MACROD2: variants seen among roughly 807,000 people sequenced by gnomAD.
MACROD2 encodes ADP-ribose glycohydrolase MACROD2.
In MACROD2, 36 loss-of-function variants were observed where a neutral mutation model predicts 70.4. The observed-to-expected ratio is 0.51, with a 90% CI of 0.39 to 0.68. The LOEUF is 0.68. MACROD2 is among the 30% of genes least tolerant of loss of function. The pLI is 0.00. For synonymous variants in MACROD2, 172 were observed against 178.8 expected, an observed-to-expected ratio of 0.96 and a Z score of 0.30; for missense variants, 496 against 538.4, an observed-to-expected ratio of 0.92 and a Z score of 0.78.
chr20:14,251,968 T>TA (rs924968520), intron 3 of MACROD2, among the ~76,000 whole-genome samples: 8 of 152,130 alleles, frequency 5.3e-5, no homozygotes, highest in African/African-American at 1.7e-4. Context: ...GTACTCACTT[T>TA]AAAAAAATCC....
intron 6 of MACROD2, among the ~76,000 whole-genome samples, chr20:15,353,842 A>G (rs1323481679): frequency 3.2e-5 from 3 of 92,400 alleles, no homozygotes; most frequent in Admixed American, 1.2e-4. Flanking sequence ...TTAAAAAGTC[A>G]GGAAACAACA....
intron 7 of MACROD2, among the ~76,000 whole-genome samples, chr20:15,466,839 CTCTT>C (rs1456353457): frequency 6.6e-6 from 1 of 152,178 alleles, no homozygotes; most frequent in Non-Finnish European, 1.5e-5. Context: ...CTCCTAAAGA[CTCTT>C]TAAGGTTTCC....
chr20:15,437,787 T>C (rs1462946570), intron 7 of MACROD2, among the ~76,000 whole-genome samples: 1 of 152,176 alleles, frequency 6.6e-6, no homozygotes, highest in Non-Finnish European at 1.5e-5. Context: ...TTACTAAGGA[T>C]AATAGCTTCC....
chr20:14,947,618 T>C (rs970750824), intron 5 of MACROD2, among the ~76,000 whole-genome samples: 28 of 152,156 alleles, frequency 1.8e-4, no homozygotes, highest in Admixed American at 1.7e-3. Flanking sequence ...AGAGGGCTTA[T>C]TAAAACACAG....
intron 4 of MACROD2, chr20:14,547,443 G>A: frequency 4.7e-6 from 1 of 210,966 alleles, no homozygotes; most frequent in Non-Finnish European, 1.1e-5. Context: ...TATTCTTTGA[G>A]CTGTTGTATT....
intron 3 of MACROD2, among the ~76,000 whole-genome samples, chr20:14,173,448 C>T (rs567925216): frequency 6.6e-6 from 1 of 152,084 alleles, no homozygotes; most frequent in African/African-American, 2.4e-5. Context: ...TAAGTGTGTC[C>T]TTCATTTCGA....
At chr20:15,807,375 A>G (rs1253842363) in intron 8 of MACROD2, among the ~76,000 whole-genome samples, 1 of 152,214 alleles carries the variant, frequency 6.6e-6, no homozygotes, top group East Asian at 1.9e-4. Context: ...AGTTTCAAAG[A>G]AAGAACCATC....
chr20:14,444,457 T>G (rs921022360), intron 3 of MACROD2, among the ~76,000 whole-genome samples: 1 of 152,052 alleles, frequency 6.6e-6, no homozygotes, highest in Non-Finnish European at 1.5e-5. Flanking sequence ...TTATCAGTTT[T>G]TTTCTGATTC....
chr20:15,215,039 T>A (rs1352281905), intron 5 of MACROD2, among the ~76,000 whole-genome samples: 1 of 152,156 alleles, frequency 6.6e-6, no homozygotes, highest in Non-Finnish European at 1.5e-5. Context: ...TAATTAGGTA[T>A]CTAAAAACAA....
chr20:14,736,992 G>T (rs117255733), intron 5 of MACROD2, among the ~76,000 whole-genome samples: 1 of 151,808 alleles, frequency 6.6e-6, no homozygotes, highest in Non-Finnish European at 1.5e-5. Context: ...TCTGGGACAC[G>T]TGTGCAGAAT....
rs560947339 is a variant in MACROD2 at position 15,965,348 on chromosome 20, G to T, written c.908-2205G>T. Among the ~76,000 whole-genome samples, 18 of 152,226 alleles carry T rather than the reference G, an allele frequency of 1.2e-4. No individual in the cohort carries two copies. The South Asian group carries it at 2.7e-3, about 23-fold the overall frequency. On this transcript the variant is annotated intron_variant, in intron 12 of 17. Coordinates refer to ENST00000684519, the MANE Select transcript of MACROD2 (RefSeq NM_001351661.2). ...CAGTCTGGTGAGTAATTTTTCAAAT[G>T]CTTTTCGCCCATCTTATGTGACTCA...
intron 3 of MACROD2, among the ~76,000 whole-genome samples, chr20:14,425,429 T>C (rs182721813): frequency 6.6e-6 from 1 of 152,348 alleles, no homozygotes; most frequent in Non-Finnish European, 1.5e-5. Context: ...ACTATACGTA[T>C]GAAAAGCGAT....
At chr20:14,867,308 C>G (rs1370190628) in intron 5 of MACROD2, among the ~76,000 whole-genome samples, 2 of 152,068 alleles carry the variant, frequency 1.3e-5, no homozygotes, top group African/African-American at 4.8e-5. Flanking sequence ...GATTTTGAAC[C>G]TTGATACTGG....
intron 9 of MACROD2, among the ~76,000 whole-genome samples, chr20:15,884,088 G>A (rs2147206576): frequency 6.6e-6 from 1 of 152,174 alleles, no homozygotes; most frequent in South Asian, 2.1e-4. Flanking sequence ...TGAAGCTCAG[G>A]AAGATCAAGG....
At chr20:14,959,713 C>G (rs116064544) in intron 5 of MACROD2, among the ~76,000 whole-genome samples, 3 of 152,270 alleles carry the variant, frequency 2.0e-5, no homozygotes, top group South Asian at 2.1e-4. Context: ...AGTACTGTTT[C>G]GCAACACATA....
At chr20:15,580,768 C>T (rs1487487430) in intron 8 of MACROD2, among the ~76,000 whole-genome samples, 1 of 152,142 alleles carries the variant, frequency 6.6e-6, no homozygotes, top group Non-Finnish European at 1.5e-5. Context: ...CCCATCACAT[C>T]ATAACCATAA....
chr20:14,804,435 A>G (rs6042929), intron 5 of MACROD2, among the ~76,000 whole-genome samples: 131,166 of 151,952 alleles, frequency 0.86, 57,120 homozygotes, highest in African/African-American at 0.93. Flanking sequence ...GACAAATAGC[A>G]TACATGGTTC....
At chr20:14,492,482 T>C (rs868224476) in intron 3 of MACROD2, among the ~76,000 whole-genome samples, 2 of 152,170 alleles carry the variant, frequency 1.3e-5, no homozygotes, top group African/African-American at 2.4e-5. Context: ...TCTAACCTCA[T>C]TGAATCATTA....
At chr20:14,099,501 G>T (rs1408522128) in intron 3 of MACROD2, among the ~76,000 whole-genome samples, 2 of 152,084 alleles carry the variant, frequency 1.3e-5, no homozygotes, top group African/African-American at 2.4e-5. Flanking sequence ...ATTGGTTATA[G>T]ATGTAGATGA....
Sources: allele counts gnomAD v4.1 joint callset (sites outside exome capture counted in the v4.1 genomes callset), GRCh38; gene constraint gnomAD v4.1.1; transcripts MANE v1.5; gene names NCBI Gene and HGNC (gene_info 2026-07-23, HGNC 2026-07-21).